The following ZBTB20 variants were observed in gnomAD, a reference collection of about 807,000 sequenced individuals.
The protein encoded by ZBTB20 is zinc finger and BTB domain containing 20, also known as zinc finger and BTB domain-containing protein 20.
Under a neutral mutation model 56.9 loss-of-function variants are expected in ZBTB20, and 9 were observed. The ratio of observed to expected loss-of-function variants is 0.16; its 90% CI spans 0.10 to 0.28. The LOEUF is 0.28. Among genes scored for constraint, ZBTB20 ranks in the 10% least tolerant of loss-of-function variants. The pLI is 1.00. For missense variants in ZBTB20, 655 were observed against 1,003.0 expected (o/e 0.65, Z 4.69); for synonymous variants, 417 against 420.7 (o/e 0.99, Z 0.11).
intron 6 of ZBTB20, among the ~76,000 whole-genome samples, chr3:114,688,716 C>T (rs541357327): frequency 6.6e-6 from 1 of 152,230 alleles, no homozygotes; most frequent in African/African-American, 2.4e-5. Flanking sequence ...GCTAAAGTGC[C>T]TTTCAATAAT....
intron 5 of ZBTB20, among the ~76,000 whole-genome samples, chr3:114,720,140 TATG>T (rs1387115722): frequency 6.7e-6 from 1 of 149,284 alleles, no homozygotes; most frequent in African/African-American, 2.4e-5. Context: ...ATTCAAGAAA[TATG>T]ATATAGCTTA....
At chr3:114,658,803 T>C (rs2060556977) in intron 6 of ZBTB20, 1 of 152,226 alleles carries the variant, frequency 6.6e-6, no homozygotes, top group Admixed American at 6.5e-5. Context: ...CTTCTAGACA[T>C]TCATCTCTTC....
chr3:114,716,117 C>T (rs924130348), intron 5 of ZBTB20, among the ~76,000 whole-genome samples: 2 of 152,180 alleles, frequency 1.3e-5, no homozygotes, highest in Non-Finnish European at 2.9e-5. Context: ...ACAATCCATT[C>T]CCCCCTTTTT....
chr3:114,470,551 T>A (rs1035335213), intron 7 of ZBTB20, among the ~76,000 whole-genome samples: 3 of 152,188 alleles, frequency 2.0e-5, no homozygotes, highest in African/African-American at 7.2e-5. Flanking sequence ...ACCAGAATTT[T>A]ATGCATTATT....
At chr3:114,657,972 T>C (rs961307023) in intron 6 of ZBTB20, among the ~76,000 whole-genome samples, 7 of 152,198 alleles carry the variant, frequency 4.6e-5, no homozygotes, top group African/African-American at 7.2e-5. Context: ...TGAACTGATA[T>C]GGAAAACTGC....
chr3:114,435,592 GC>G (rs1353639897), intron 7 of ZBTB20, among the ~76,000 whole-genome samples: 1 of 152,052 alleles, frequency 6.6e-6, no homozygotes, highest in Admixed American at 6.6e-5. Flanking sequence ...GGGGAATTCT[GC>G]CCAGCATCTC....
chr3:114,722,210 A>G (rs1419142741), intron 5 of ZBTB20, among the ~76,000 whole-genome samples: 1 of 152,168 alleles, frequency 6.6e-6, no homozygotes, highest in African/African-American at 2.4e-5. Context: ...GCCCTTTCTA[A>G]CTACATGACA....
rs376045562 is a variant in ZBTB20, at chr3:114,351,805, G to A, written c.273C>T (p.Leu91=). 15 of 1,607,790 alleles carry A rather than the reference G, an allele frequency of 9.3e-6. No individual in the cohort carries two copies. The African/African-American group carries it at 1.3e-4, about 14-fold the overall frequency. ...INLHNFSNSV[L]ETLNEQRNRG... ...GGTTGCGCTGCTCGTTGAGGGTCTCGAGCACGGAATTGCTGAAGTTGTGAA... is the reference window on the plus strand; with the variant it reads ...GGTTGCGCTGCTCGTTGAGGGTCTCAAGCACGGAATTGCTGAAGTTGTGAA... Residue 91 remains leucine (L), a synonymous_variant, in exon 11 of 12, where the codon CTC becomes CTT. Coordinates refer to ENST00000675478, the MANE Select transcript of ZBTB20 (RefSeq NM_001348800.3).
chr3:114,871,153 A>C (rs2075994011), intron 4 of ZBTB20, among the ~76,000 whole-genome samples: 1 of 152,134 alleles, frequency 6.6e-6, no homozygotes, highest in Non-Finnish European at 1.5e-5. Flanking sequence ...TACACCTCAA[A>C]GCTTTGTAAA....
intron 5 of ZBTB20, among the ~76,000 whole-genome samples, chr3:114,707,827 C>T (rs368157918): frequency 6.6e-6 from 1 of 152,204 alleles, no homozygotes; most frequent in African/African-American, 2.4e-5. Flanking sequence ...TGCACACAAT[C>T]CACCTGCATA....
chr3:114,917,980 C>T lies in ZBTB20; in HGVS notation c.-455-17638G>A, dbSNP rs183782834. On this transcript the variant is annotated intron_variant, in intron 3 of 11. Coordinates refer to ENST00000675478, the MANE Select transcript of ZBTB20 (RefSeq NM_001348800.3). ...TTTTTTTCATGGCACCGAATGCCCC[C>T]GGCCCCAGATGGTTCCAGAGAGGCC... 5.9e-5 allele frequency among the ~76,000 whole-genome samples: 9 copies of T among 152,270 alleles called. No homozygotes were observed. The East Asian group carries it at 1.4e-3, about 23-fold the overall frequency.
At chr3:114,692,078 T>C (rs2062730438) in intron 6 of ZBTB20, among the ~76,000 whole-genome samples, 1 of 152,150 alleles carries the variant, frequency 6.6e-6, no homozygotes, top group Admixed American at 6.6e-5. Flanking sequence ...AAGAGCTTTC[T>C]CTGTGTTGGA....
rs1331871081 is a variant in ZBTB20, at chr3:114,679,353, C to A, written c.-295+14175G>T. On this transcript the variant is annotated intron_variant, in intron 6 of 11. Transcript: ENST00000675478. ...ATCATCAGAGTAAACAGGCAACCTA[C>A]AAAATGGGAGAAAATGTTTGCCATC... Among the ~76,000 whole-genome samples, 4 of 152,138 alleles carry A rather than the reference C, an allele frequency of 2.6e-5. No individual in the cohort carries two copies. In the East Asian group the frequency reaches 7.7e-4, roughly 29 times the overall value.
intron 2 of ZBTB20, among the ~76,000 whole-genome samples, chr3:114,994,825 T>A (rs1380145446): frequency 6.6e-6 from 1 of 151,862 alleles, no homozygotes; most frequent in Non-Finnish European, 1.5e-5. Flanking sequence ...ATGAATTTAC[T>A]GAAATCCCAC....
intron 6 of ZBTB20, among the ~76,000 whole-genome samples, chr3:114,540,743 T>C (rs1372623733): frequency 6.6e-6 from 1 of 152,170 alleles, no homozygotes; most frequent in African/African-American, 2.4e-5. Context: ...ATATAGTTAG[T>C]GCCCTTTCTG....
intron 6 of ZBTB20, among the ~76,000 whole-genome samples, chr3:114,618,328 C>A (rs1212077584): frequency 6.8e-6 from 1 of 146,712 alleles, no homozygotes; most frequent in Non-Finnish European, 1.5e-5. Flanking sequence ...TAGCTCAATG[C>A]AAGCTCAAAC....
At chr3:114,957,392 C>T (rs1295499888) in intron 3 of ZBTB20, among the ~76,000 whole-genome samples, 1 of 152,104 alleles carries the variant, frequency 6.6e-6, no homozygotes, top group Non-Finnish European at 1.5e-5. Flanking sequence ...AAATGCAACA[C>T]ATAGGAAGGG....
chr3:114,644,505 C>T (rs865879447), intron 6 of ZBTB20, among the ~76,000 whole-genome samples: 2 of 152,072 alleles, frequency 1.3e-5, no homozygotes, highest in Admixed American at 1.3e-4. Context: ...AATAAACGCT[C>T]AGCATTACTA....
chr3:114,462,969 T>G (rs1354787920), intron 7 of ZBTB20, among the ~76,000 whole-genome samples: 1 of 152,208 alleles, frequency 6.6e-6, no homozygotes, highest in Non-Finnish European at 1.5e-5. Context: ...GCAACCCCTC[T>G]GTGCCTTGCA....
Sources: gnomAD v4.1 joint callset for allele counts (sites outside exome capture counted in the v4.1 genomes callset) on GRCh38, gnomAD v4.1.1 for gene constraint, MANE v1.5 for transcripts, NCBI Gene and HGNC (gene_info 2026-07-23, HGNC 2026-07-21) for gene names.